TNFRSF11A: variants seen among roughly 807,000 people sequenced by gnomAD.
The protein encoded by TNFRSF11A is tumor necrosis factor receptor superfamily member 11A.
In TNFRSF11A, 32 loss-of-function variants were observed where a neutral mutation model predicts 55.7. The observed-to-expected ratio is 0.57, with a 90% CI of 0.43 to 0.77. TNFRSF11A has a LOEUF of 0.77. TNFRSF11A is among the 30% of genes least tolerant of loss of function. TNFRSF11A has a pLI of 0.00. For missense variants in TNFRSF11A, 753 were observed against 809.8 expected (o/e 0.93, Z 0.85); for synonymous variants, 311 against 331.0 (o/e 0.94, Z 0.65).
At chr18:62,356,743 G>A (rs142914425) in intron 4 of TNFRSF11A, among the ~76,000 whole-genome samples, 17 of 152,310 alleles carry the variant, frequency 1.1e-4, no homozygotes, top group African/African-American at 2.6e-4. Context: ...TTGTCACCTC[G>A]TTCAGCATCT....
In TNFRSF11A at chr18:62,366,758, A is replaced by G; in HGVS notation, c.781A>G (p.Lys261Glu). Residue 261 changes from lysine (K) to glutamate (E), a missense_variant and splice_region_variant, in exon 8 of 10, where the codon AAG becomes GAG. Lys to Glu is a moderately conservative substitution (Grantham distance 56). Around this residue, in one of 3 missense-constraint regions of TNFRSF11A, gnomAD observed 567 missense variants for 596.7 expected, o/e 0.95. Coordinates refer to ENST00000586569, the MANE Select transcript of TNFRSF11A (RefSeq NM_003839.4). The part of the protein sequence containing the change: ...NEACGRLSGD[K>E]ESSGDSCVST... ...GGCTTGTGGCCGCCTAAGTGGAGAT[A>G]AGGTAGAGTGAACAGTTGTTGGTGC... 1 of 1,614,170 alleles carries G rather than the reference A, an allele frequency of 6.2e-7. No homozygotes were observed. The highest frequency in any genetic ancestry group is 1.1e-5 in the South Asian group (1 of 91,086).
intron 7 of TNFRSF11A, among the ~76,000 whole-genome samples, chr18:62,362,297 C>A (rs187919820): frequency 4.6e-5 from 7 of 151,972 alleles, no homozygotes; most frequent in Admixed American, 1.3e-4. Flanking sequence ...TTGAGAGCAG[C>A]CTGGCCAACA....
chr18:62,366,433 T>C (rs538207058), intron 7 of TNFRSF11A, among the ~76,000 whole-genome samples: 19 of 152,324 alleles, frequency 1.2e-4, no homozygotes, highest in Admixed American at 9.8e-4. Flanking sequence ...AGGAATCTAA[T>C]GTACAGATGG....
At chr18:62,382,147 C>G (rs1383577401) in intron 9 of TNFRSF11A, among the ~76,000 whole-genome samples, 3 of 125,956 alleles carry the variant, frequency 2.4e-5, no homozygotes, top group Non-Finnish European at 4.8e-5. Context: ...GAGTCTTGCA[C>G]TCCACCCAGG....
At chr18:62,348,731 C>T (rs1251075662) in intron 2 of TNFRSF11A, among the ~76,000 whole-genome samples, 2 of 152,234 alleles carry the variant, frequency 1.3e-5, no homozygotes, top group Non-Finnish European at 2.9e-5. Context: ...CTACCACCTG[C>T]CCCAAGTTGT....
intron 9 of TNFRSF11A, among the ~76,000 whole-genome samples, chr18:62,379,909 T>A (rs1023711606): frequency 2.0e-5 from 3 of 152,168 alleles, no homozygotes; most frequent in African/African-American, 7.2e-5. Flanking sequence ...AGCAAACACT[T>A]CTGTAATATT....
At position 62,385,997 on chromosome 18, in the gene TNFRSF11A, A is replaced by T. The variant is rs1156456714; in HGVS notation, c.*963A>T. Reference sequence around the variant, plus strand: ...TAAAAGAAAGAAAAAAGGAAACCCGATTTATTTCTCCTGAATCTTTTTAAG... The same window carrying T: ...TAAAAGAAAGAAAAAAGGAAACCCGTTTTATTTCTCCTGAATCTTTTTAAG... On this transcript the variant is annotated 3_prime_UTR_variant, in exon 10 of 10. Coordinates refer to ENST00000586569, the MANE Select transcript of TNFRSF11A (RefSeq NM_003839.4). 2.0e-5 allele frequency: 3 copies of T among 152,222 alleles called. No individual in the cohort carries two copies. The highest frequency in any genetic ancestry group is 7.2e-5 in the African/African-American group (3 of 41,460). 9.4% of individuals were successfully genotyped at this position (152,222 alleles called of 1,614,324 possible).
At chr18:62,341,117 A>G (rs1461859536) in intron 1 of TNFRSF11A, among the ~76,000 whole-genome samples, 5 of 152,270 alleles carry the variant, frequency 3.3e-5, no homozygotes, top group African/African-American at 1.2e-4. Context: ...AATCACAGAT[A>G]TAATCTGGCA....
At chr18:62,326,579 A>G (rs893658244) in intron 1 of TNFRSF11A, among the ~76,000 whole-genome samples, 2 of 152,336 alleles carry the variant, frequency 1.3e-5, no homozygotes, top group South Asian at 4.1e-4. Flanking sequence ...GCGAACAGCT[A>G]GCCACCTAAG....
chr18:62,350,581 C>T (rs1411604637), intron 3 of TNFRSF11A, among the ~76,000 whole-genome samples: 3 of 152,104 alleles, frequency 2.0e-5, no homozygotes, highest in African/African-American at 7.2e-5. Flanking sequence ...TGTGAGCCAC[C>T]GTGCCCGGCC....
chr18:62,349,991 T>C, intron 3 of TNFRSF11A, 54 bp downstream of exon 3: 1 of 1,607,980 alleles, frequency 6.2e-7, no homozygotes, highest in Non-Finnish European at 8.5e-7. Context: ...TCAGACCTCT[T>C]TTTCTATAGA....
intron 4 of TNFRSF11A, among the ~76,000 whole-genome samples, chr18:62,357,123 T>C (rs1188670768): frequency 2.0e-5 from 3 of 152,214 alleles, no homozygotes; most frequent in Non-Finnish European, 4.4e-5. Context: ...CCAGCCAAAT[T>C]GCAGAAATCA....
intron 9 of TNFRSF11A, 27 bp downstream of exon 9, chr18:62,369,511 C>T: frequency 6.2e-7 from 1 of 1,600,698 alleles, no homozygotes; most frequent in Non-Finnish European, 8.5e-7. Context: ...TCTCTCACTT[C>T]TGAGCAGAAG....
chr18:62,355,283 T>A (rs1360124346), intron 4 of TNFRSF11A, among the ~76,000 whole-genome samples: 1 of 152,146 alleles, frequency 6.6e-6, no homozygotes, highest in Non-Finnish European at 1.5e-5. Context: ...TTATTTTATT[T>A]ATTTTTTTTT....
At chr18:62,368,411 C>T (rs1425416736) in intron 8 of TNFRSF11A, among the ~76,000 whole-genome samples, 2 of 152,178 alleles carry the variant, frequency 1.3e-5, no homozygotes, top group African/African-American at 4.8e-5. Context: ...AATATGTAGT[C>T]AGAATACTGT....
Position 62,388,533 on chromosome 18 carries a change from G to C in TNFRSF11A, c.*3499G>C, listed in dbSNP as rs369938109. 6.6e-6 allele frequency: 1 copy of C among 152,266 alleles called. No individual in the cohort carries two copies. The highest frequency in any genetic ancestry group is 2.4e-5 in the African/African-American group (1 of 41,468). The allele number at this position is 152,266 out of a possible 1,614,324, so 9.4% of individuals were successfully genotyped here. ...CCATCTGTCCACCACAGGGCACTGC[G>C]TGGAGTAAAATGCTGCAGAGAAGAG... On this transcript the variant is annotated 3_prime_UTR_variant, in exon 10 of 10. Coordinates refer to ENST00000586569, the MANE Select transcript of TNFRSF11A (RefSeq NM_003839.4).
At chr18:62,359,712 C>T (rs1278816036) in intron 5 of TNFRSF11A, among the ~76,000 whole-genome samples, 2 of 152,168 alleles carry the variant, frequency 1.3e-5, no homozygotes, top group East Asian at 3.8e-4. Flanking sequence ...CTGCTCTGCT[C>T]CTTTGCTGAC....
chr18:62,368,212 A>G (rs183871066), intron 8 of TNFRSF11A, among the ~76,000 whole-genome samples: 43 of 152,222 alleles, frequency 2.8e-4, no homozygotes, highest in Admixed American at 2.4e-3. Context: ...CCATATTTGA[A>G]TCTTTCTTTC....
At chr18:62,358,103 G>T in intron 4 of TNFRSF11A, 145 bp from the exon 5 acceptor site, 1 of 717,508 alleles carries the variant, frequency 1.4e-6, no homozygotes, top group Non-Finnish European at 2.4e-6. Context: ...AGACACAGGG[G>T]TGGGCACAGG....
Sources: allele counts gnomAD v4.1 joint callset (sites outside exome capture counted in the v4.1 genomes callset), GRCh38; gene constraint gnomAD v4.1.1; regional missense constraint gnomAD v4.1.1; transcripts MANE v1.5; gene names NCBI Gene and HGNC (gene_info 2026-07-23, HGNC 2026-07-21).